Variants in UAP1L1 observed in about 807,000 individuals in gnomAD.
The protein encoded by UAP1L1 is UDP-N-acetylglucosamine pyrophosphorylase 1 like 1.
UAP1L1 carries 45 observed loss-of-function variants against 45.3 expected under a neutral mutation model. That is an observed-to-expected ratio of 0.99 (90% CI 0.78 to 1.27). The LOEUF (loss-of-function observed/expected upper bound fraction) is 1.27. Among genes scored for constraint, UAP1L1 ranks in the 50% most tolerant of loss-of-function variants. The probability of loss-of-function intolerance (pLI) is 0.00; values close to 1 mark genes in which losing one functional copy is unlikely to be tolerated. For missense variants in UAP1L1, 667 were observed against 694.0 expected (o/e 0.96, Z 0.44); for synonymous variants, 323 against 303.9 (o/e 1.06, Z -0.65).
rs923198504 is a variant in UAP1L1, at chr9:137,080,566, C to T, written c.1179-123C>T. ...ACACTCAGTACCTGCGGGGGCTCCTCCCTAGACTTGCTGCCCATGGGACCA... is the reference window on the plus strand; with the variant it reads ...ACACTCAGTACCTGCGGGGGCTCCTTCCTAGACTTGCTGCCCATGGGACCA... On this transcript the variant is annotated intron_variant, in intron 6 of 8. Transcript: ENST00000409858. 6.1e-6 allele frequency: 6 copies of T among 990,224 alleles called. No homozygotes were observed. In the East Asian group the frequency reaches 9.7e-5, roughly 16 times the overall value. The allele number at this position is 990,224 out of a possible 1,614,324, so 61.3% of individuals were successfully genotyped here. A position where few individuals can be genotyped will look rare whatever the true frequency, so the allele number is the denominator to read the frequency against.
At chr9:137,079,712 G>A in intron 5 of UAP1L1, 1 of 582,690 alleles carries the variant, frequency 1.7e-6, no homozygotes, top group East Asian at 2.9e-5. Flanking sequence ...CTCCTTCTGG[G>A]GACCTGCCCT....
Position 137,082,373 on chromosome 9 carries a change from C to G in UAP1L1, c.1432-264C>G. 3 of 595,560 alleles carry G rather than the reference C, an allele frequency of 5.0e-6. No individual in the cohort carries two copies. In the South Asian group the frequency reaches 6.0e-5, roughly 12 times the overall value. 36.9% of individuals were successfully genotyped at this position (595,560 alleles called of 1,614,324 possible). On this transcript the variant is annotated intron_variant, in intron 8 of 8. Transcript: ENST00000409858. The surrounding 1 kb of genome is among the most constrained non-coding windows in gnomAD (Gnocchi z 5.7). ...CCGGCCTCTGCTACCTCCCTGACCT[C>G]GGCTGCCCTTGCCCCTTTCTCTGGT...
chr9:137,078,466 C>T (rs760199838), intron 2 of UAP1L1, 36 bp from the exon 3 acceptor site: 2 of 1,612,320 alleles, frequency 1.2e-6, no homozygotes, highest in South Asian at 1.1e-5. Context: ...CAGGGCCAGG[C>T]GTACTCGCGG....
At chr9:137,079,931 T>C in intron 5 of UAP1L1, 71 bp from the exon 6 acceptor site, 1 of 1,581,542 alleles carries the variant, frequency 6.3e-7, no homozygotes, top group East Asian at 2.2e-5. Flanking sequence ...TGCTCAGAAG[T>C]GGGGACAGAG....
In UAP1L1 at chr9:137,080,852, G is replaced by T. The variant is rs1554749365; in HGVS notation, c.1342G>T (p.Ala448Ser). The T allele has an allele frequency of 6.2e-7, 1 of 1,603,032 alleles. No individual in the cohort carries two copies. The highest frequency in any genetic ancestry group is 8.5e-7 in the Non-Finnish European group (1 of 1,178,204). ...AGARFLDAHG[A>S]WLPELPSLPP... is the part of the protein sequence containing the mutation. The stretch of plus-strand genomic sequence containing the variant: ...GGCCCGCTTCCTGGATGCCCATGGG[G>T]CCTGGCTCCCAGAGCTGCCCAGGTG... The change falls in exon 7 of 9, where the codon GCC becomes TCC. Residue 448 changes from alanine to serine, a missense_variant. Coordinates refer to ENST00000409858, the MANE Select transcript of UAP1L1 (RefSeq NM_207309.3).
In UAP1L1 at chr9:137,078,257, G is replaced by A. The variant is rs994915810; in HGVS notation, c.494+3G>A. Reference sequence around the variant, plus strand: ...GGGACCCGCTGCACCGTCCCCTGGTGTGTCCTGCCTGCCCTACCTCGGCCC... The same window carrying A: ...GGGACCCGCTGCACCGTCCCCTGGTATGTCCTGCCTGCCCTACCTCGGCCC... On this transcript the variant is annotated splice_donor_region_variant and intron_variant, in intron 2 of 8. Transcript: ENST00000409858. 9.1e-6 allele frequency: 14 copies of A among 1,540,164 alleles called. No individual in the cohort carries two copies. Among genetic ancestry groups the A allele is most frequent in the Middle Eastern group, 1.7e-4 (1 of 5,978 alleles).
chr9:137,079,366 T>A lies in UAP1L1; in HGVS notation c.954T>A (p.Arg318=). 3.1e-6 allele frequency: 5 copies of A among 1,613,002 alleles called. No individual in the cohort carries two copies. Among genetic ancestry groups the A allele is most frequent in the South Asian group, 1.1e-5 (1 of 91,078 alleles). The change falls in exon 5 of 9, where the codon CGT becomes CGA. Residue 318 remains arginine (R), a synonymous_variant. Transcript: ENST00000409858. The part of the protein sequence containing the change: ...SEISPETAQL[R]ASDGSLLYNA... Reference sequence around the variant, plus strand: ...TCAGTCCTGAGACCGCACAGCTACGTGCCTCCGACGGGAGCCTGCTGTACA... The same window carrying A: ...TCAGTCCTGAGACCGCACAGCTACGAGCCTCCGACGGGAGCCTGCTGTACA...
In UAP1L1 at chr9:137,079,063, A is replaced by G. The variant is rs201253497; in HGVS notation, c.758A>G (p.Tyr253Cys). Residue 253 changes from tyrosine to cysteine, a missense_variant, in exon 4 of 9, where the codon TAC (tyrosine) becomes TGC (cysteine). By Grantham distance (194) the Tyr-to-Cys change is radical. Coordinates refer to ENST00000409858, the MANE Select transcript of UAP1L1 (RefSeq NM_207309.3). ...CGGGGAGTGGAGTTTGTGCACGTGT[A>G]CTGTGTGGACAACATCCTGGTGCGG... ...ERRGVEFVHV[Y>C]CVDNILVRLA... 9.6e-4 allele frequency: 1,550 copies of G among 1,610,804 alleles called. 22 individuals are homozygous for G. Among genetic ancestry groups the G allele is most frequent in the Non-Finnish European group, 1.7e-4 (204 of 1,179,200 alleles).
At chr9:137,081,051 G>A (rs190272642) in intron 7 of UAP1L1, among the ~76,000 whole-genome samples, 177 bp downstream of exon 7, 6 of 152,308 alleles carry the variant, frequency 3.9e-5, no homozygotes, top group East Asian at 3.9e-4. Context: ...CACGGTGACT[G>A]TCGGCACAGC....
chr9:137,079,171 C>A (rs751168994), intron 4 of UAP1L1, 23 bp downstream of exon 4: 1 of 1,599,176 alleles, frequency 6.3e-7, no homozygotes, highest in Admixed American at 1.8e-5. Flanking sequence ...CTGCGCGGCG[C>A]CCCGCACCCG....
At position 137,080,707 on chromosome 9, in the gene UAP1L1, A is replaced by G; in HGVS notation, c.1197A>G (p.Glu399=). The G allele has an allele frequency of 6.2e-7, 1 of 1,611,820 alleles. No homozygotes were observed. Among genetic ancestry groups the G allele is most frequent in the Non-Finnish European group, 8.5e-7 (1 of 1,179,342 alleles). The change falls in exon 7 of 9, where the codon GAA becomes GAG. Residue 399 remains glutamate (E), a synonymous_variant. Coordinates refer to ENST00000409858, the MANE Select transcript of UAP1L1 (RefSeq NM_207309.3). ...CCACCAGGAACTTTGCTGCCTTGGA[A>G]GTGCTGCGGGAGGAGGAATTTTCCC... ...FRFAKNFAAL[E]VLREEEFSPL...
At chr9:137,080,554 G>T in intron 6 of UAP1L1, 135 bp from the exon 7 acceptor site, 2 of 866,358 alleles carry the variant, frequency 2.3e-6, no homozygotes, top group Non-Finnish European at 1.8e-6. Flanking sequence ...CTCAGTACCT[G>T]CGGGGGCTCC....
Position 137,082,055 on chromosome 9 carries a change from C to G in UAP1L1, c.1422C>G (p.Tyr474Ter). 1 of 1,614,010 alleles carries G rather than the reference C, an allele frequency of 6.2e-7. No homozygotes were observed. Among genetic ancestry groups the G allele is most frequent in the Non-Finnish European group, 8.5e-7 (1 of 1,179,994 alleles). Residue 474 changes from tyrosine to a stop codon, truncating the protein, a stop_gained, in exon 8 of 9, where the codon TAC (tyrosine) becomes TAG (stop). Coordinates refer to ENST00000409858, the MANE Select transcript of UAP1L1 (RefSeq NM_207309.3). LOFTEE classifies it low-confidence loss of function (END_TRUNC). The surrounding 1 kb of genome is among the most constrained non-coding windows in gnomAD (Gnocchi z 5.7). ...GTGAGATATCGCCCTTGGTGTCTTACTCTGGAGAGGTGAGAGCTGCCCATC... is the reference window on the plus strand; with the variant it reads ...GTGAGATATCGCCCTTGGTGTCTTAGTCTGGAGAGGTGAGAGCTGCCCATC... ...AICEISPLVS[Y>*]SGEGLEVYLQ...
chr9:137,078,172 C>CT lies in UAP1L1; in HGVS notation c.413dup (p.Tyr139ValfsTer17), dbSNP rs1386349503. 3.2e-6 allele frequency: 5 copies of CT among 1,549,926 alleles called. No homozygotes were observed. In the Admixed American group the frequency reaches 9.8e-5, roughly 30 times the overall value. On this transcript the variant is annotated frameshift_variant, in exon 2 of 9. Coordinates refer to ENST00000409858, the MANE Select transcript of UAP1L1 (RefSeq NM_207309.3). LOFTEE classifies it high-confidence loss of function. ...TGTGGGGCTGCCCAGCCGGAAGACC[C>CT]TGTACCAGCTGCAGGCGGAGCGGAT... is the stretch of plus-strand genomic sequence containing the variant.
rs887399832 is a variant in UAP1L1 at position 137,077,975 on chromosome 9, C to T, written c.290-75C>T. The T allele has an allele frequency of 6.5e-7, 1 of 1,533,906 alleles. No individual in the cohort carries two copies. The highest frequency in any genetic ancestry group is 2.0e-5 in the Admixed American group (1 of 50,572). ...CGGCCCCCGAGTCCTGGCGCCCCAG[C>T]CCCAGAGTTGGTTTCCCCTAAAGCG... On this transcript the variant is annotated intron_variant, in intron 1 of 8. Coordinates refer to ENST00000409858, the MANE Select transcript of UAP1L1 (RefSeq NM_207309.3). This position sits in a 1 kb window ranked among gnomAD's most constrained non-coding sequence, Gnocchi z 4.7.
Position 137,079,153 on chromosome 9 carries a change from G to A in UAP1L1, c.843+5G>A. On this transcript the variant is annotated splice_donor_5th_base_variant and intron_variant, in intron 4 of 8. Coordinates refer to ENST00000409858, the MANE Select transcript of UAP1L1 (RefSeq NM_207309.3). ...GGCGCAGACTGTGGCGCCAAGGTTA[G>A]CGCCCGACTGCGCGGCGCCCCGCAC... 6.2e-7 allele frequency: 1 copy of A among 1,606,466 alleles called. No individual in the cohort carries two copies. The highest frequency in any genetic ancestry group is 8.5e-7 in the Non-Finnish European group (1 of 1,177,934).
rs1832714537 is a variant in UAP1L1 at position 137,077,744 on chromosome 9, T to A, written c.212T>A (p.Leu71Gln). Residue 71 changes from leucine to glutamine, a missense_variant, in exon 1 of 9, where the codon CTG becomes CAG. By Grantham distance (113) the Leu-to-Gln change is moderately radical. Coordinates refer to ENST00000409858, the MANE Select transcript of UAP1L1 (RefSeq NM_207309.3). This position sits in a 1 kb window ranked among gnomAD's most constrained non-coding sequence, Gnocchi z 4.7. ...CCGCCGCCCGACTTGGCCGCGCGCCTGCGGCCCCTGCCCCCAGAGCGCGTG... is the reference window on the plus strand; with the variant it reads ...CCGCCGCCCGACTTGGCCGCGCGCCAGCGGCCCCTGCCCCCAGAGCGCGTG... Reference protein sequence around the residue: ...HGPPPDLAARLRPLPPERVGR... With the variant: ...HGPPPDLAARQRPLPPERVGR... The A allele has an allele frequency of 1.7e-6, 2 of 1,204,116 alleles. No individual in the cohort carries two copies. The allele number at this position is 1,204,116 out of a possible 1,614,324, so 74.6% of individuals were successfully genotyped here.
Position 137,077,802 on chromosome 9 carries a change from G to T in UAP1L1, c.270G>T (p.Arg90=). 1 of 1,387,410 alleles carries T rather than the reference G, an allele frequency of 7.2e-7. No individual in the cohort carries two copies. Among genetic ancestry groups the T allele is most frequent in the Non-Finnish European group, 9.3e-7 (1 of 1,075,370 alleles). 85.9% of individuals were successfully genotyped at this position (1,387,410 alleles called of 1,614,324 possible). A position where few individuals can be genotyped will look rare whatever the true frequency, so the allele number is the denominator to read the frequency against. ...GRASRSDPET[R]RRWEEEGFRQ... is the part of the protein sequence containing the mutation. The stretch of plus-strand genomic sequence containing the variant: ...CCAGCCGCAGCGACCCCGAGACACG[G>T]CGGCGCTGGGAGGAGGAAGGTAAGC... The change falls in exon 1 of 9, where the codon CGG becomes CGT. Residue 90 remains arginine (R), a synonymous_variant. Coordinates refer to ENST00000409858, the MANE Select transcript of UAP1L1 (RefSeq NM_207309.3). The surrounding 1 kb of genome is among the most constrained non-coding windows in gnomAD (Gnocchi z 4.7).
At position 137,082,837 on chromosome 9, in the gene UAP1L1, A is replaced by G; in HGVS notation, c.*108A>G. Reference sequence around the variant, plus strand: ...CCCCGGCGTCCTGGAGCTGGGGGCTACAGCCCAGCCTGAGCTCTGGGTGGG... The same window carrying G: ...CCCCGGCGTCCTGGAGCTGGGGGCTGCAGCCCAGCCTGAGCTCTGGGTGGG... On this transcript the variant is annotated 3_prime_UTR_variant, in exon 9 of 9. Coordinates refer to ENST00000409858, the MANE Select transcript of UAP1L1 (RefSeq NM_207309.3). The surrounding 1 kb of genome is among the most constrained non-coding windows in gnomAD (Gnocchi z 5.7). 1 of 885,918 alleles carries G rather than the reference A, an allele frequency of 1.1e-6. No homozygotes were observed. Among genetic ancestry groups the G allele is most frequent in the Admixed American group, 2.2e-5 (1 of 45,500 alleles). The allele number at this position is 885,918 out of a possible 1,614,324, so 54.9% of individuals were successfully genotyped here.
Sources: allele counts gnomAD v4.1 joint callset (sites outside exome capture counted in the v4.1 genomes callset), GRCh38; gene constraint gnomAD v4.1.1; non-coding constraint Gnocchi (gnomAD v3.1); transcripts MANE v1.5; gene names NCBI Gene and HGNC (gene_info 2026-07-23, HGNC 2026-07-21).